Variants in CTNND2 observed in about 807,000 individuals in gnomAD.
CTNND2 encodes the protein catenin delta 2.
CTNND2 carries 22 observed loss-of-function variants against 144.4 expected under a neutral mutation model. That is an observed-to-expected ratio of 0.15 (90% CI 0.11 to 0.22). CTNND2 has a LOEUF of 0.22. CTNND2 is among the 10% of genes least tolerant of loss of function. CTNND2 has a pLI of 1.00. For missense variants in CTNND2, 1,353 were observed against 1,618.8 expected (o/e 0.84, Z 2.82); for synonymous variants, 751 against 695.6 (o/e 1.08, Z -1.25).
intron 1 of CTNND2, among the ~76,000 whole-genome samples, chr5:11,801,047 A>G (rs1381873525): frequency 6.6e-6 from 1 of 152,172 alleles, no homozygotes; most frequent in African/African-American, 2.4e-5. Flanking sequence ...CTAATTTCCT[A>G]CGGGAATAAT....
rs1758861989 is a variant in CTNND2 at position 11,384,692 on chromosome 5, T to C, written c.1150A>G (p.Thr384Ala). ...GCCAGGCTGCCCGGCCTCTGGAGGG[T>C]GGCCGTGGCATACAGCTCCTGCGAG... The part of the protein sequence containing the change: ...KHSQELYATA[T>A]LQRPGSLAAG... Residue 384 changes from threonine to alanine, a missense_variant, in exon 7 of 22, where the codon ACC (threonine) becomes GCC (alanine). Coordinates refer to ENST00000304623, the MANE Select transcript of CTNND2 (RefSeq NM_001332.4). This position sits in a 1 kb window ranked among gnomAD's most constrained non-coding sequence, Gnocchi z 5.2. 5.0e-6 allele frequency: 8 copies of C among 1,606,830 alleles called. No homozygotes were observed. The highest frequency in any genetic ancestry group is 6.8e-6 in the Non-Finnish European group (8 of 1,178,644).
At chr5:11,551,199 T>G (rs1005798850) in intron 3 of CTNND2, among the ~76,000 whole-genome samples, 1 of 152,100 alleles carries the variant, frequency 6.6e-6, no homozygotes, top group Non-Finnish European at 1.5e-5. Flanking sequence ...CCAACACCAG[T>G]GTACCCCATC....
intron 2 of CTNND2, among the ~76,000 whole-genome samples, chr5:11,580,570 C>T (rs1370153207): frequency 6.6e-6 from 1 of 152,112 alleles, no homozygotes; most frequent in Non-Finnish European, 1.5e-5. Context: ...GTCTTAAAGT[C>T]TCGTAGAATT....
intron 1 of CTNND2, among the ~76,000 whole-genome samples, chr5:11,804,155 C>A (rs1238581408): frequency 6.6e-6 from 1 of 152,150 alleles, no homozygotes; most frequent in Non-Finnish European, 1.5e-5. Context: ...ATGAGATACA[C>A]TATACAACTA....
chr5:11,440,900 A>G (rs1367023072), intron 3 of CTNND2, among the ~76,000 whole-genome samples: 2 of 152,196 alleles, frequency 1.3e-5, no homozygotes, highest in African/African-American at 4.8e-5. Context: ...GAGTTTACAC[A>G]TAATTTGAAT....
chr5:11,632,706 G>T (rs1000792355), intron 2 of CTNND2, among the ~76,000 whole-genome samples: 1 of 152,112 alleles, frequency 6.6e-6, no homozygotes, highest in Non-Finnish European at 1.5e-5. Flanking sequence ...TTTTAAATAT[G>T]TTCCAAGAAC....
At chr5:10,990,748 A>C (rs759276712) in intron 19 of CTNND2, among the ~76,000 whole-genome samples, 8 of 152,136 alleles carry the variant, frequency 5.3e-5, no homozygotes, top group Non-Finnish European at 8.8e-5. Flanking sequence ...GGGAAAAATC[A>C]AATCACGCAA....
At chr5:11,658,242 ATG>A (rs1360998409) in intron 2 of CTNND2, among the ~76,000 whole-genome samples, 2 of 151,990 alleles carry the variant, frequency 1.3e-5, no homozygotes, top group African/African-American at 2.4e-5. Context: ...TCTTGTATGC[ATG>A]TGTGTGTGTT....
At chr5:11,271,206 T>C (rs1745973357) in intron 9 of CTNND2, among the ~76,000 whole-genome samples, 1 of 152,194 alleles carries the variant, frequency 6.6e-6, no homozygotes, top group South Asian at 2.1e-4. Flanking sequence ...ACATTATTAT[T>C]CTACAAACAC....
intron 3 of CTNND2, among the ~76,000 whole-genome samples, chr5:11,503,446 A>C (rs975583693): frequency 5.3e-5 from 8 of 152,218 alleles, no homozygotes; most frequent in African/African-American, 9.6e-5. Flanking sequence ...CCGTTGACCA[A>C]GGTTTTCTTA....
At chr5:11,524,089 G>C (rs1387159965) in intron 3 of CTNND2, among the ~76,000 whole-genome samples, 1 of 152,178 alleles carries the variant, frequency 6.6e-6, no homozygotes, top group Admixed American at 6.5e-5. Flanking sequence ...TCTCAGATAA[G>C]GGTAAGAGGG....
intron 1 of CTNND2, among the ~76,000 whole-genome samples, chr5:11,738,576 T>TCA (rs1486490964): frequency 6.6e-6 from 1 of 152,114 alleles, no homozygotes; most frequent in Non-Finnish European, 1.5e-5. Flanking sequence ...TTGACATCCA[T>TCA]CACACACACA....
chr5:11,170,201 T>A (rs1425708430), intron 11 of CTNND2, among the ~76,000 whole-genome samples: 1 of 152,200 alleles, frequency 6.6e-6, no homozygotes, highest in Non-Finnish European at 1.5e-5. Context: ...GTCAGACACA[T>A]AAATTTGCTA....
chr5:11,832,141 G>A (rs191847600), intron 1 of CTNND2, among the ~76,000 whole-genome samples: 13 of 151,714 alleles, frequency 8.6e-5, no homozygotes, highest in South Asian at 2.1e-4. Context: ...AAAATTAGCC[G>A]GGCATGGTGG....
intron 1 of CTNND2, among the ~76,000 whole-genome samples, chr5:11,758,414 A>C (rs936749133): frequency 9.2e-5 from 14 of 151,980 alleles, no homozygotes; most frequent in African/African-American, 2.7e-4. Flanking sequence ...TATTTTAGTC[A>C]CTATTCTGTA....
chr5:11,803,734 T>C (rs900311632), intron 1 of CTNND2, among the ~76,000 whole-genome samples: 1 of 152,222 alleles, frequency 6.6e-6, no homozygotes, highest in Non-Finnish European at 1.5e-5. Context: ...TTTCTCACTG[T>C]TTCAAAGGGA....
intron 2 of CTNND2, among the ~76,000 whole-genome samples, chr5:11,619,323 A>C (rs1780725197): frequency 6.6e-6 from 1 of 152,154 alleles, no homozygotes; most frequent in Non-Finnish European, 1.5e-5. Context: ...CATGAGAATC[A>C]CTTGAACCCG....
chr5:11,090,398 C>T (rs377451856), intron 15 of CTNND2, among the ~76,000 whole-genome samples: 57 of 152,324 alleles, frequency 3.7e-4, no homozygotes, highest in African/African-American at 1.1e-3. Context: ...AAGGCCCCAA[C>T]CCCCGGGCCG....
chr5:11,499,862 AT>A (rs202030597), intron 3 of CTNND2, among the ~76,000 whole-genome samples: 3 of 151,442 alleles, frequency 2.0e-5, no homozygotes, highest in South Asian at 2.1e-4. Flanking sequence ...AAAAAGAAGT[AT>A]TTTTTTTTCT....
Sources: gnomAD v4.1 joint callset for allele counts (sites outside exome capture counted in the v4.1 genomes callset) on GRCh38, gnomAD v4.1.1 for gene constraint, Gnocchi (gnomAD v3.1) non-coding constraint, MANE v1.5 for transcripts, NCBI Gene and HGNC (gene_info 2026-07-23, HGNC 2026-07-21) for gene names.